Variants in CCDC187 observed in about 807,000 individuals in gnomAD.
The protein encoded by CCDC187 is coiled-coil domain-containing protein 187.
In CCDC187, 32 loss-of-function variants were observed where a neutral mutation model predicts 38.0. The observed-to-expected ratio is 0.84, with a 90% CI of 0.64 to 1.13. The LOEUF (loss-of-function observed/expected upper bound fraction) is 1.13. Ranked by LOEUF, CCDC187 falls within the 50% of genes most tolerant of loss-of-function variation. The probability of loss-of-function intolerance (pLI) is 0.00; values close to 1 mark genes in which losing one functional copy is unlikely to be tolerated. For missense variants in CCDC187, 707 were observed against 786.8 expected (o/e 0.90, Z 1.21); for synonymous variants, 333 against 347.9 (o/e 0.96, Z 0.48).
chr9:136,298,591 A>G (rs1831594187), intron 3 of CCDC187, among the ~76,000 whole-genome samples: 1 of 152,240 alleles, frequency 6.6e-6, no homozygotes. Flanking sequence ...ACCCTGGCCC[A>G]AAGGCGTCTG....
intron 6 of CCDC187, 64 bp downstream of exon 6, chr9:136,290,422 C>A: frequency 2.5e-6 from 1 of 398,440 alleles, no homozygotes; most frequent in Non-Finnish European, 4.4e-6. Context: ...GAGGCAGCAC[C>A]TGAGCGCCTA....
Position 136,254,878 on chromosome 9 carries a change from G to A in CCDC187, c.4950C>T (p.Pro1650=). The A allele has an allele frequency of 1.0e-6, 1 of 985,518 alleles. No homozygotes were observed. Among genetic ancestry groups the A allele is most frequent in the Non-Finnish European group, 1.2e-6 (1 of 829,986 alleles). The allele number at this position is 985,518 out of a possible 1,614,324, so 61.0% of individuals were successfully genotyped here. A position where few individuals can be genotyped will look rare whatever the true frequency, so the allele number is the denominator to read the frequency against. Residue 1650 remains proline, a synonymous_variant, in exon 26 of 26, where the codon CCC becomes CCT. Transcript: ENST00000638797. ...IQLSGSSSSL[P]SLEAEDSPDE... is the part of the protein sequence containing the mutation. ...CTGGGGAGTCTTCAGCTTCCAAGCT[G>A]GGAAGAGAGCTGGAGCTCCCAGAAA...
rs1209229348 is a variant in CCDC187 at position 136,297,769 on chromosome 9, C to A, written c.777G>T (p.Lys259Asn). The A allele has an allele frequency of 3.9e-5, 15 of 387,324 alleles. No homozygotes were observed. In the South Asian group the frequency reaches 1.9e-3, roughly 50 times the overall value. 24.0% of individuals were successfully genotyped at this position (387,324 alleles called of 1,614,324 possible). A position where few individuals can be genotyped will look rare whatever the true frequency, so the allele number is the denominator to read the frequency against. Residue 259 changes from lysine (K) to asparagine (N), a missense_variant, in exon 4 of 26, where the codon AAG becomes AAT. Coordinates refer to ENST00000638797, the MANE Select transcript of CCDC187 (RefSeq NM_001378188.1). ...RVKSSSCKRE[K>N]TPKLPSPRRA... ...TTCTAGGGGAGGGCAACTTGGGGGT[C>A]TTCTCTCTTTTGCAAGAACTGCTTT...
chr9:136,300,821 G>A (rs996302938), intron 2 of CCDC187, among the ~76,000 whole-genome samples: 24 of 152,128 alleles, frequency 1.6e-4, no homozygotes, highest in Admixed American at 2.6e-4. Flanking sequence ...GGCTAGTCTC[G>A]AACTCCTGAC....
At chr9:136,305,158 G>A (rs1029060573), upstream of CCDC187, among the ~76,000 whole-genome samples, 10 of 152,344 alleles carry the variant, frequency 6.6e-5, no homozygotes, top group Admixed American at 6.5e-5. Context: ...CAGGCCCTGC[G>A]TATAATGTGA....
chr9:136,262,500 C>T, intron 18 of CCDC187, 38 bp from the exon 19 acceptor site: 1 of 986,490 alleles, frequency 1.0e-6, no homozygotes, highest in Non-Finnish European at 1.2e-6. Flanking sequence ...GCAAGGCCAC[C>T]TCTGCCCATT....
rs1830708569 is a variant in CCDC187, at chr9:136,263,800, T to C, written c.3736-2A>G. The C allele has an allele frequency of 1.0e-6, 1 of 985,370 alleles. No homozygotes were observed. The highest frequency in any genetic ancestry group is 1.7e-5 in the African/African-American group (1 of 57,238). The allele number at this position is 985,370 out of a possible 1,614,324, so 61.0% of individuals were successfully genotyped here. A position where few individuals can be genotyped will look rare whatever the true frequency, so the allele number is the denominator to read the frequency against. The stretch of plus-strand genomic sequence containing the variant: ...GTGTCTCAGGTATTGGATTTCCCTC[T>C]GAGCAGGCAAAATAAGCAGATGTCA... On this transcript the variant is annotated splice_acceptor_variant, in intron 17 of 25. Coordinates refer to ENST00000638797, the MANE Select transcript of CCDC187 (RefSeq NM_001378188.1). LOFTEE classifies it high-confidence loss of function.
At position 136,290,936 on chromosome 9, in the gene CCDC187, C is replaced by G. The variant is rs1225753471; in HGVS notation, c.1677G>C (p.Arg559=). The G allele has an allele frequency of 1.0e-5, 4 of 398,660 alleles. No individual in the cohort carries two copies. The highest frequency in any genetic ancestry group is 1.8e-5 in the Non-Finnish European group (4 of 226,202). 24.7% of individuals were successfully genotyped at this position (398,660 alleles called of 1,614,324 possible). A position where few individuals can be genotyped will look rare whatever the true frequency, so the allele number is the denominator to read the frequency against. Residue 559 remains arginine, a synonymous_variant, in exon 6 of 26, where the codon CGG becomes CGC. Transcript: ENST00000638797. ...ETWEDPGPRL[R]NPLERPSPPA... ...GAGGACTGGGCCTTTCCAGAGGGTTCCGCAGTCTGGGGCCAGGGTCCTCCC... is the reference window on the plus strand; with the variant it reads ...GAGGACTGGGCCTTTCCAGAGGGTTGCGCAGTCTGGGGCCAGGGTCCTCCC...
intron 14 of CCDC187, among the ~76,000 whole-genome samples, chr9:136,269,769 C>G (rs1372339584): frequency 1.3e-5 from 2 of 152,144 alleles, no homozygotes; most frequent in Non-Finnish European, 2.9e-5. Flanking sequence ...CAGTAATGAG[C>G]AGGATAATTT....
Position 136,249,987 on chromosome 9 carries a change from A to C in CCDC187, c.*3607T>G, listed in dbSNP as rs1316100897. 3.3e-5 allele frequency: 5 copies of C among 152,266 alleles called. No homozygotes were observed. The highest frequency in any genetic ancestry group is 1.3e-4 in the Admixed American group (2 of 15,290). 9.4% of individuals were successfully genotyped at this position (152,266 alleles called of 1,614,324 possible). A position where few individuals can be genotyped will look rare whatever the true frequency, so the allele number is the denominator to read the frequency against. Reference sequence around the variant, plus strand: ...AATGACTTCTCTGGAGGCTGGTATCAAGATTTATTGGCCCAAGCGGTGACG... The same window carrying C: ...AATGACTTCTCTGGAGGCTGGTATCCAGATTTATTGGCCCAAGCGGTGACG... On this transcript the variant is annotated 3_prime_UTR_variant, in exon 26 of 26. Transcript: ENST00000638797.
chr9:136,272,331 A>G (rs1161350821), intron 14 of CCDC187, among the ~76,000 whole-genome samples: 4 of 152,256 alleles, frequency 2.6e-5, no homozygotes, highest in Non-Finnish European at 5.9e-5. Flanking sequence ...TTTAAACAAA[A>G]TGATAACAAT....
chr9:136,273,443 A>G (rs1219036231), intron 14 of CCDC187, among the ~76,000 whole-genome samples: 1 of 152,220 alleles, frequency 6.6e-6, no homozygotes, highest in Non-Finnish European at 1.5e-5. Flanking sequence ...GCATCATGAT[A>G]GAGGGGTGAG....
At chr9:136,293,442 C>CACA (rs1831421357) in intron 4 of CCDC187, among the ~76,000 whole-genome samples, 6 of 33,918 alleles carry the variant, frequency 1.8e-4, no homozygotes, top group African/African-American at 3.6e-4. Context: ...TGCTCACACA[C>CACA]TCACACATGC....
At position 136,257,283 on chromosome 9, in the gene CCDC187, G is replaced by T. The variant is rs1269915434; in HGVS notation, c.4367-442C>A. On this transcript the variant is annotated intron_variant, in intron 22 of 25. Transcript: ENST00000638797. This position sits in a 1 kb window ranked among gnomAD's most constrained non-coding sequence, Gnocchi z 4.5. ...AGCTACTCAGGAGGCTGAGGCAAAA[G>T]AATTGCTTGAACCCGGGAGGCGGAG... Among the ~76,000 whole-genome samples the T allele has an allele frequency of 3.3e-5, 5 of 152,256 alleles. No individual in the cohort carries two copies. The highest frequency in any genetic ancestry group is 2.0e-4 in the Admixed American group (3 of 15,296).
chr9:136,269,544 AG>A (rs1830805326), intron 14 of CCDC187, among the ~76,000 whole-genome samples: 1 of 152,176 alleles, frequency 6.6e-6, no homozygotes, highest in Admixed American at 6.5e-5. Flanking sequence ...GGTACTCGGG[AG>A]GCTGAGGCAG....
chr9:136,259,553 G>T, intron 20 of CCDC187, 105 bp from the exon 21 acceptor site: 2 of 402,282 alleles, frequency 5.0e-6, no homozygotes, highest in Non-Finnish European at 6.7e-6. Context: ...GGTGGGGGAT[G>T]GGGAGAGACA....
chr9:136,294,804 A>C (rs1012270060), intron 4 of CCDC187, among the ~76,000 whole-genome samples: 6,267 of 152,306 alleles, frequency 0.041, 178 homozygotes, highest in Admixed American at 0.1. Context: ...ACCCCAGGCC[A>C]TGCCCCACAC....
In CCDC187 at chr9:136,251,824, C is replaced by T. The variant is rs553670415; in HGVS notation, c.*1770G>A. 6.5e-6 allele frequency: 1 copy of T among 153,628 alleles called. No individual in the cohort carries two copies. Among genetic ancestry groups the T allele is most frequent in the East Asian group, 1.9e-4 (1 of 5,166 alleles). The allele number at this position is 153,628 out of a possible 1,614,324, so 9.5% of individuals were successfully genotyped here. A position where few individuals can be genotyped will look rare whatever the true frequency, so the allele number is the denominator to read the frequency against. On this transcript the variant is annotated 3_prime_UTR_variant, in exon 26 of 26. Transcript: ENST00000638797. ...GGTGACCGTCCCGCGGAGCCGGCGCCCACCCTGTCCACCGGGGGAAGAGCC... is the reference window on the plus strand; with the variant it reads ...GGTGACCGTCCCGCGGAGCCGGCGCTCACCCTGTCCACCGGGGGAAGAGCC...
chr9:136,272,405 C>CA (rs1382703145), intron 14 of CCDC187, among the ~76,000 whole-genome samples: 26 of 151,612 alleles, frequency 1.7e-4, no homozygotes, highest in African/African-American at 6.1e-4. Context: ...CCCATCTCTA[C>CA]AAAAAATACA....
Sources: gnomAD v4.1 joint callset for allele counts (sites outside exome capture counted in the v4.1 genomes callset) on GRCh38, gnomAD v4.1.1 for gene constraint, Gnocchi (gnomAD v3.1) non-coding constraint, MANE v1.5 for transcripts, NCBI Gene and HGNC (gene_info 2026-07-23, HGNC 2026-07-21) for gene names.